PTPN22: variants seen among roughly 807,000 people sequenced by gnomAD.
PTPN22 encodes the protein protein tyrosine phosphatase non-receptor type 22, also known as tyrosine-protein phosphatase non-receptor type 22.
PTPN22 carries 85 observed loss-of-function variants against 103.3 expected under a neutral mutation model. The ratio of observed to expected loss-of-function variants is 0.82; its 90% CI spans 0.69 to 0.99. The LOEUF (loss-of-function observed/expected upper bound fraction) is 0.99, where lower values mean the gene tolerates loss of function less well. Among genes scored for constraint, PTPN22 ranks in the 50% least tolerant of loss-of-function variants. The pLI, the probability that PTPN22 is intolerant of heterozygous loss-of-function variation, is 0.00. For missense variants in PTPN22, 865 were observed against 936.9 expected, an observed-to-expected ratio of 0.92 and a Z score of 1.00; for synonymous variants, 323 against 310.2, an observed-to-expected ratio of 1.04 and a Z score of -0.43.
At chr1:113,833,795 A>G (rs1258912034) in intron 15 of PTPN22, among the ~76,000 whole-genome samples, 2 of 152,140 alleles carry the variant, frequency 1.3e-5, no homozygotes, top group African/African-American at 2.4e-5. Context: ...CATCAACCAC[A>G]CTATTCCAAA....
chr1:113,844,222 G>A (rs999324282), intron 11 of PTPN22, among the ~76,000 whole-genome samples: 2 of 152,146 alleles, frequency 1.3e-5, no homozygotes, highest in Admixed American at 1.3e-4. Context: ...AGCACTTTGG[G>A]AGGCCGAGGC....
exon 11 of PTPN22, chr1:113,848,582 C>T (rs1238512589): frequency 6.2e-7 from 1 of 1,613,560 alleles, no homozygotes; most frequent in Non-Finnish European, 8.5e-7. Flanking sequence ...CCATCTGTCT[C>T]TTAAATAGTT....
At chr1:113,820,394 G>T (rs954486916) in intron 19 of PTPN22, among the ~76,000 whole-genome samples, 1 of 152,116 alleles carries the variant, frequency 6.6e-6, no homozygotes, top group Non-Finnish European at 1.5e-5. Context: ...GGAGGCAGAG[G>T]GATGAGGTGA....
At chr1:113,857,680 C>A in intron 5 of PTPN22, 58 bp downstream of exon 5, 1 of 1,516,622 alleles carries the variant, frequency 6.6e-7, no homozygotes, top group South Asian at 1.1e-5. Flanking sequence ...GCCAATTTCC[C>A]TCTCCTTTTT....
rs751785843 is a variant in PTPN22, at chr1:113,819,677, T to C, written c.2282-23A>G. The stretch of plus-strand genomic sequence containing the variant: ...TACCTAGAATCAAAAGAAAAAAATA[T>C]AAGGGAAAGACTAAAGACAGACTCA... On this transcript the variant is annotated intron_variant, in intron 19 of 20. Transcript: ENST00000359785. The C allele has an allele frequency of 8.6e-6, 13 of 1,519,138 alleles. No individual in the cohort carries two copies. In the African/African-American group the frequency reaches 1.7e-4, roughly 19 times the overall value. 94.1% of individuals were successfully genotyped at this position (1,519,138 alleles called of 1,614,324 possible).
At chr1:113,854,060 GT>G (rs1352882114) in intron 9 of PTPN22, among the ~76,000 whole-genome samples, 2 of 151,606 alleles carry the variant, frequency 1.3e-5, no homozygotes, top group Non-Finnish European at 2.9e-5. Flanking sequence ...TAGAGACAGG[GT>G]TTCACCATGT....
chr1:113,852,471 A>C (rs1006747919), intron 9 of PTPN22, among the ~76,000 whole-genome samples: 1 of 152,220 alleles, frequency 6.6e-6, no homozygotes, highest in Non-Finnish European at 1.5e-5. Context: ...TTCCTATTAG[A>C]CATTAAAAAA....
chr1:113,835,062 T>C, intron 13 of PTPN22, 69 bp from the exon 14 acceptor site: 1 of 784,982 alleles, frequency 1.3e-6, no homozygotes, highest in Non-Finnish European at 1.8e-6. Flanking sequence ...TCTTATATTC[T>C]AATATTAAAT....
At chr1:113,825,036 C>T (rs1390575654) in intron 19 of PTPN22, 106 bp downstream of exon 19, 5 of 667,706 alleles carry the variant, frequency 7.5e-6, no homozygotes, top group Non-Finnish European at 1.2e-5. Flanking sequence ...TATGGAGGCT[C>T]TGTTTAGGAA....
exon 13 of PTPN22, chr1:113,837,848 G>A: frequency 6.2e-7 from 1 of 1,613,890 alleles, no homozygotes. Flanking sequence ...CTAGAGTCAT[G>A]GTGCTTTACA....
intron 7 of PTPN22, among the ~76,000 whole-genome samples, chr1:113,856,075 A>C (rs1409140051): frequency 6.6e-6 from 1 of 152,152 alleles, no homozygotes; most frequent in African/African-American, 2.4e-5. Flanking sequence ...GTACAGTGGC[A>C]CCATCTCGGT....
chr1:113,869,076 C>T (rs1409314714), intron 1 of PTPN22, among the ~76,000 whole-genome samples: 4 of 151,974 alleles, frequency 2.6e-5, no homozygotes, highest in South Asian at 2.1e-4. Flanking sequence ...ATTAGCCAGG[C>T]GTGGTGGCTC....
chr1:113,836,163 G>A (rs1239939436), intron 13 of PTPN22, among the ~76,000 whole-genome samples: 2 of 152,136 alleles, frequency 1.3e-5, no homozygotes, highest in Non-Finnish European at 2.9e-5. Context: ...ATGTTATAGA[G>A]CAAAAGTTTT....
intron 1 of PTPN22, among the ~76,000 whole-genome samples, chr1:113,864,802 T>G (rs750334691): frequency 6.6e-6 from 1 of 151,848 alleles, no homozygotes; most frequent in South Asian, 2.1e-4. Flanking sequence ...GTCCCAGCTA[T>G]TCAGGAGGCT....
At chr1:113,845,891 T>A (rs1223129331) in intron 11 of PTPN22, among the ~76,000 whole-genome samples, 1 of 152,252 alleles carries the variant, frequency 6.6e-6, no homozygotes, top group African/African-American at 2.4e-5. Context: ...CTATCTCTGA[T>A]AATTGTCTTT....
At chr1:113,814,738 AC>A in exon 21 of PTPN22, 2 of 603,742 alleles carry the variant, frequency 3.3e-6, no homozygotes, top group Non-Finnish European at 5.7e-6. Flanking sequence ...AAAATGCAAA[AC>A]TGGCACTTAT....
exon 4 of PTPN22, chr1:113,858,486 T>C: frequency 6.3e-7 from 1 of 1,585,254 alleles, no homozygotes; most frequent in East Asian, 2.2e-5. Context: ...ACAAGGACAC[T>C]ATATTCCCAA....
chr1:113,818,348 A>G (rs1170851518), intron 20 of PTPN22, among the ~76,000 whole-genome samples: 1 of 151,812 alleles, frequency 6.6e-6, no homozygotes, highest in Non-Finnish European at 1.5e-5. Context: ...TATTTTTAGT[A>G]GAGACAGGGT....
chr1:113,852,143 T>C, intron 9 of PTPN22, 39 bp from the exon 10 acceptor site: 1 of 1,462,410 alleles, frequency 6.8e-7, no homozygotes. Context: ...TTCAATATTT[T>C]GTTAATAAAT....
Sources: allele counts gnomAD v4.1 joint callset (sites outside exome capture counted in the v4.1 genomes callset), GRCh38; gene constraint gnomAD v4.1.1; transcripts MANE v1.5; gene names NCBI Gene and HGNC (gene_info 2026-07-23, HGNC 2026-07-21).